The following ZNF654 variants were observed in gnomAD, a reference collection of about 807,000 sequenced individuals.
ZNF654 encodes melanoma-associated antigen.
ZNF654 carries 19 observed loss-of-function variants against 95.3 expected under a neutral mutation model. The observed-to-expected ratio is 0.20, with a 90% CI of 0.14 to 0.29. The LOEUF (loss-of-function observed/expected upper bound fraction) is 0.29. Ranked by LOEUF, ZNF654 falls within the 10% of genes least tolerant of loss-of-function variation. The pLI, the probability that ZNF654 is intolerant of heterozygous loss-of-function variation, is 1.00. For missense variants in ZNF654, 1,046 were observed against 1,341.0 expected (o/e 0.78, Z 3.44); for synonymous variants, 413 against 457.9 (o/e 0.90, Z 1.25).
At chr3:88,098,057 C>T (rs546835196) in intron 2 of ZNF654, among the ~76,000 whole-genome samples, 29 of 151,888 alleles carry the variant, frequency 1.9e-4, no homozygotes, top group African/African-American at 2.4e-4. Context: ...GTTTTTGAAA[C>T]GATCAACAAA....
chr3:88,095,424 T>A (rs1256453846), intron 2 of ZNF654: 3 of 342,242 alleles, frequency 8.8e-6, no homozygotes, highest in Admixed American at 4.3e-5. Context: ...CTTTGCTGTT[T>A]TTTCCTCTTT....
At chr3:88,080,711 G>T (rs556637922) in intron 1 of ZNF654, among the ~76,000 whole-genome samples, 117 of 152,142 alleles carry the variant, frequency 7.7e-4, no homozygotes, top group African/African-American at 2.8e-3. Context: ...GTGCAAATAG[G>T]TAATAAAGTA....
chr3:88,066,776 A>G (rs1707225394), intron 1 of ZNF654, among the ~76,000 whole-genome samples: 1 of 152,218 alleles, frequency 6.6e-6, no homozygotes, highest in Non-Finnish European at 1.5e-5. Flanking sequence ...GTGCTAAACT[A>G]CACCTTAAAA....
At chr3:88,100,473 G>T (rs1194390721) in intron 2 of ZNF654, among the ~76,000 whole-genome samples, 1 of 152,194 alleles carries the variant, frequency 6.6e-6, no homozygotes, top group Non-Finnish European at 1.5e-5. Flanking sequence ...CCATTACTGG[G>T]TATATACCCA....
chr3:88,107,625 C>T (rs1214628791), intron 2 of ZNF654, among the ~76,000 whole-genome samples: 1 of 152,166 alleles, frequency 6.6e-6, no homozygotes, highest in South Asian at 2.1e-4. Flanking sequence ...CATGTATACT[C>T]CACCTCTGTG....
At chr3:88,097,522 A>G (rs553664561) in intron 2 of ZNF654, among the ~76,000 whole-genome samples, 1 of 152,190 alleles carries the variant, frequency 6.6e-6, no homozygotes, top group African/African-American at 2.4e-5. Context: ...AAATCGACAG[A>G]ATATACATTC....
At chr3:88,125,113 G>T (rs1186934725) in intron 3 of ZNF654, among the ~76,000 whole-genome samples, 1 of 151,618 alleles carries the variant, frequency 6.6e-6, no homozygotes, top group East Asian at 1.9e-4. Context: ...TACTTGGGAG[G>T]CTGAGGCAGG....
chr3:88,109,171 G>C (rs1704935845), intron 2 of ZNF654, among the ~76,000 whole-genome samples: 1 of 151,588 alleles, frequency 6.6e-6, no homozygotes, highest in African/African-American at 2.4e-5. Flanking sequence ...GTGTGTGTGT[G>C]TGTGTGTGTA....
At chr3:88,137,951 T>C (rs1264956772) in intron 7 of ZNF654, among the ~76,000 whole-genome samples, 1 of 152,128 alleles carries the variant, frequency 6.6e-6, no homozygotes, top group African/African-American at 2.4e-5. Context: ...CCAATCAAAA[T>C]AAGCCTTTAG....
chr3:88,135,416 A>G (rs1049934763), intron 7 of ZNF654: 39 of 348,514 alleles, frequency 1.1e-4, no homozygotes, highest in Admixed American at 3.3e-4. Context: ...CATGGAAGCA[A>G]TTGCTTCCAT....
At chr3:88,127,677 G>C (rs570091733) in intron 4 of ZNF654, among the ~76,000 whole-genome samples, 10 of 152,246 alleles carry the variant, frequency 6.6e-5, no homozygotes, top group Non-Finnish European at 1.5e-4. Context: ...GGCTTCACTC[G>C]TAGGATCTAG....
At position 88,140,890 on chromosome 3, in the gene ZNF654, T is replaced by G; in HGVS notation, c.3221T>G (p.Val1074Gly). Residue 1074 changes from valine (V) to glycine (G), a missense_variant, in exon 8 of 9, where the codon GTA becomes GGA. Transcript: ENST00000636215. ...PKRRKFLTDRVDACSDQDNVY... is the reference protein window; with the variant it reads ...PKRRKFLTDRGDACSDQDNVY... ...CGCAGAAAATTTCTGACTGATAGAGTAGATGCCTGTTCTGATCAAGATAAC... is the reference window on the plus strand; with the variant it reads ...CGCAGAAAATTTCTGACTGATAGAGGAGATGCCTGTTCTGATCAAGATAAC... 1 of 1,613,500 alleles carries G rather than the reference T, an allele frequency of 6.2e-7. No homozygotes were observed. The highest frequency in any genetic ancestry group is 8.5e-7 in the Non-Finnish European group (1 of 1,179,636).
chr3:88,084,941 C>T (rs1427459750), intron 1 of ZNF654, among the ~76,000 whole-genome samples: 1 of 152,176 alleles, frequency 6.6e-6, no homozygotes, highest in Non-Finnish European at 1.5e-5. Context: ...ATCTGCCTGA[C>T]CTCTGCCCTA....
intron 2 of ZNF654, 127 bp from the exon 3 acceptor site, chr3:88,112,988 G>C: frequency 1.6e-6 from 1 of 608,036 alleles, no homozygotes; most frequent in South Asian, 2.3e-5. Context: ...CTAGTGTTCA[G>C]TACAATTTTT....
At position 88,113,205 on chromosome 3, in the gene ZNF654, C is replaced by G. The variant is rs1323641886; in HGVS notation, c.414+9C>G. 1 of 1,501,148 alleles carries G rather than the reference C, an allele frequency of 6.7e-7. No individual in the cohort carries two copies. The highest frequency in any genetic ancestry group is 8.9e-7 in the Non-Finnish European group (1 of 1,117,338). 93.0% of individuals were successfully genotyped at this position (1,501,148 alleles called of 1,614,324 possible). On this transcript the variant is annotated intron_variant, in intron 3 of 8. Transcript: ENST00000636215. Reference sequence around the variant, plus strand: ...TTCTTGGATCATTCCAGGTAAAAAACAGTTTACTACTTCACACTTTGTCTA... The same window carrying G: ...TTCTTGGATCATTCCAGGTAAAAAAGAGTTTACTACTTCACACTTTGTCTA...
intron 3 of ZNF654, among the ~76,000 whole-genome samples, chr3:88,119,670 AT>A (rs977573182): frequency 3.3e-5 from 5 of 152,044 alleles, no homozygotes; most frequent in African/African-American, 9.7e-5. Flanking sequence ...TTTTATATTT[AT>A]TTCTTTGTAT....
intron 2 of ZNF654, among the ~76,000 whole-genome samples, chr3:88,100,505 G>A (rs72923808): frequency 0.037 from 5,651 of 150,694 alleles, 367 homozygotes; most frequent in African/African-American, 0.13. Flanking sequence ...ATCATGCTGC[G>A]CACATGTATG....
chr3:88,130,403 G>C (rs1398871434), intron 6 of ZNF654, among the ~76,000 whole-genome samples: 2 of 151,930 alleles, frequency 1.3e-5, no homozygotes, highest in African/African-American at 4.8e-5. Flanking sequence ...TAGCTTGAAG[G>C]CATATAGCTG....
chr3:88,128,370 T>G (rs1350282705), intron 4 of ZNF654, among the ~76,000 whole-genome samples: 1 of 152,118 alleles, frequency 6.6e-6, no homozygotes, highest in African/African-American at 2.4e-5. Context: ...ATCTCTATAA[T>G]TAATGTGAAC....
Sources: gnomAD v4.1 joint callset for allele counts (sites outside exome capture counted in the v4.1 genomes callset) on GRCh38, gnomAD v4.1.1 for gene constraint, MANE v1.5 for transcripts, NCBI Gene and HGNC (gene_info 2026-07-23, HGNC 2026-07-21) for gene names.